The following ELAPOR1 variants were observed in gnomAD, a reference collection of about 807,000 sequenced individuals.
ELAPOR1 encodes endosome/lysosome-associated apoptosis and autophagy regulator 1.
ELAPOR1 carries 77 observed loss-of-function variants against 119.7 expected under a neutral mutation model. That is an observed-to-expected ratio of 0.64 (90% CI 0.54 to 0.78). ELAPOR1 has a LOEUF of 0.78. Among genes scored for constraint, ELAPOR1 ranks in the 30% least tolerant of loss-of-function variants. The pLI, the probability that ELAPOR1 is intolerant of heterozygous loss-of-function variation, is 0.00. For missense variants in ELAPOR1, 1,115 were observed against 1,270.4 expected (o/e 0.88, Z 1.86); for synonymous variants, 481 against 487.2 (o/e 0.99, Z 0.17).
chr1:109,145,768 A>G (rs34895712), intron 1 of ELAPOR1, among the ~76,000 whole-genome samples: 16,345 of 152,218 alleles, frequency 0.11, 1,278 homozygotes, highest in African/African-American at 0.22. Flanking sequence ...TACTCCATGC[A>G]GCATAGAGAG....
intron 1 of ELAPOR1, among the ~76,000 whole-genome samples, chr1:109,145,363 T>C (rs1056458716): frequency 3.9e-5 from 6 of 152,062 alleles, no homozygotes; most frequent in African/African-American, 9.7e-5. Context: ...ACAATATTCA[T>C]TGAAATTTAA....
chr1:109,147,889 G>A (rs1419673063), intron 1 of ELAPOR1, among the ~76,000 whole-genome samples: 1 of 151,468 alleles, frequency 6.6e-6, no homozygotes, highest in Non-Finnish European at 1.5e-5. Context: ...GAGTTCAGTG[G>A]CACCATCTCG....
intron 1 of ELAPOR1, among the ~76,000 whole-genome samples, chr1:109,116,286 G>A (rs900503642): frequency 2.0e-5 from 3 of 152,186 alleles, no homozygotes; most frequent in African/African-American, 4.8e-5. Flanking sequence ...TACTTACCAC[G>A]TGGTTTTTGG....
rs570088271 is a variant in ELAPOR1 at position 109,154,052 on chromosome 1, C to T, written c.154-7842C>T. Among the ~76,000 whole-genome samples, 575 of 151,722 alleles carry T rather than the reference C, an allele frequency of 3.8e-3. 4 individuals carry two copies. The highest frequency in any genetic ancestry group is 6.5e-3 in the Non-Finnish European group (443 of 67,872). On this transcript the variant is annotated intron_variant, in intron 1 of 21. Coordinates refer to ENST00000369939, the MANE Select transcript of ELAPOR1 (RefSeq NM_020775.5). Reference sequence around the variant, plus strand: ...ATCCCAGCAGTTTGGGAGGCCGAGGCGGGCGGATCACCTGAGGTCGGGAGT... The same window carrying T: ...ATCCCAGCAGTTTGGGAGGCCGAGGTGGGCGGATCACCTGAGGTCGGGAGT...
chr1:109,187,853 G>A, intron 8 of ELAPOR1: 1 of 1,044,110 alleles, frequency 9.6e-7, no homozygotes, highest in Non-Finnish European at 1.2e-6. Context: ...TGTGACCTTG[G>A]TAGCAATAAG....
chr1:109,136,352 A>G (rs1649466524), intron 1 of ELAPOR1, among the ~76,000 whole-genome samples: 1 of 152,196 alleles, frequency 6.6e-6, no homozygotes, highest in Admixed American at 6.5e-5. Flanking sequence ...TGCTGCCACA[A>G]GCCAAGGAAA....
chr1:109,180,955 C>T (rs2101082609), intron 7 of ELAPOR1, among the ~76,000 whole-genome samples: 1 of 152,054 alleles, frequency 6.6e-6, no homozygotes, highest in South Asian at 2.1e-4. Flanking sequence ...AGAGTGAGGC[C>T]CTGTCTCTAA....
intron 1 of ELAPOR1, among the ~76,000 whole-genome samples, chr1:109,144,059 A>ATTTTTT (rs1243626258): frequency 8.7e-5 from 3 of 34,406 alleles, no homozygotes; most frequent in Non-Finnish European, 2.1e-4. Context: ...ATATATTTAT[A>ATTTTTT]TATTTTTTTT....
Position 109,194,574 on chromosome 1 carries a change from C to G in ELAPOR1, c.2101C>G (p.Leu701Val). 6.2e-7 allele frequency: 1 copy of G among 1,613,918 alleles called. No homozygotes were observed. Among genetic ancestry groups the G allele is most frequent in the Non-Finnish European group, 8.5e-7 (1 of 1,179,756 alleles). The change falls in exon 15 of 22, where the codon CTC becomes GTC. Residue 701 changes from leucine to valine, a missense_variant. Transcript: ENST00000369939. ...GCTGAAATACTTCCATCACTTTACC[C>G]TCAGTCTCTGTGGAAACCAGGTAAG... Reference protein sequence around the residue: ...KGLKYFHHFTLSLCGNQGRKM... With the variant: ...KGLKYFHHFTVSLCGNQGRKM...
intron 7 of ELAPOR1, among the ~76,000 whole-genome samples, chr1:109,175,239 A>T (rs1031526361): frequency 1.4e-4 from 21 of 151,072 alleles, no homozygotes; most frequent in African/African-American, 1.9e-4. Flanking sequence ...TTGTTGCCCA[A>T]GCTGGAGTGC....
chr1:109,200,310 T>G, intron 20 of ELAPOR1, 73 bp downstream of exon 20: 2 of 1,538,746 alleles, frequency 1.3e-6, no homozygotes, highest in Non-Finnish European at 1.8e-6. Context: ...TCTGAAAGTA[T>G]AAATTAATGG....
chr1:109,163,493 A>G (rs577292987), intron 2 of ELAPOR1, among the ~76,000 whole-genome samples: 2 of 152,148 alleles, frequency 1.3e-5, no homozygotes, highest in Admixed American at 6.5e-5. Context: ...CCTGGGCTCA[A>G]GTAATTTTCC....
chr1:109,135,520 G>C (rs543927972), intron 1 of ELAPOR1, among the ~76,000 whole-genome samples: 8 of 152,336 alleles, frequency 5.3e-5, no homozygotes, highest in African/African-American at 1.9e-4. Context: ...TGGGATTACA[G>C]GTGTGAGCCA....
chr1:109,129,919 C>T (rs1277516244), intron 1 of ELAPOR1, among the ~76,000 whole-genome samples: 4 of 152,168 alleles, frequency 2.6e-5, no homozygotes, highest in Admixed American at 2.6e-4. Flanking sequence ...GTTCTGCAAG[C>T]CAGGAGTCTA....
intron 2 of ELAPOR1, 48 bp from the exon 3 acceptor site, chr1:109,164,451 G>A (rs1287106740): frequency 6.5e-7 from 1 of 1,535,536 alleles, no homozygotes; most frequent in Admixed American, 1.7e-5. Flanking sequence ...TCACTTCTGG[G>A]GCTGCAGTGA....
At chr1:109,122,437 T>G (rs1462683178) in intron 1 of ELAPOR1, among the ~76,000 whole-genome samples, 2 of 149,908 alleles carry the variant, frequency 1.3e-5, no homozygotes, top group Admixed American at 1.3e-4. Flanking sequence ...GGCCAGCAGA[T>G]TGCTTGAGCC....
intron 3 of ELAPOR1, among the ~76,000 whole-genome samples, chr1:109,167,075 C>T (rs966167603): frequency 2.6e-5 from 4 of 152,176 alleles, no homozygotes; most frequent in African/African-American, 9.7e-5. Flanking sequence ...AGCTAGAGAG[C>T]TTTAAAGCTG....
chr1:109,172,468 C>A lies in ELAPOR1; in HGVS notation c.616-20C>A. 3 of 1,596,702 alleles carry A rather than the reference C, an allele frequency of 1.9e-6. No individual in the cohort carries two copies. The highest frequency in any genetic ancestry group is 1.7e-6 in the Non-Finnish European group (2 of 1,164,646). ...TCCTTAGAAAGCTGAGACTCTGGTCCCAAACTCTTTTTATGTCAGGTTCAG... is the reference window on the plus strand; with the variant it reads ...TCCTTAGAAAGCTGAGACTCTGGTCACAAACTCTTTTTATGTCAGGTTCAG... On this transcript the variant is annotated intron_variant, in intron 4 of 21. Transcript: ENST00000369939.
At chr1:109,116,798 C>G (rs1648039992) in intron 1 of ELAPOR1, among the ~76,000 whole-genome samples, 1 of 149,920 alleles carries the variant, frequency 6.7e-6, no homozygotes, top group Non-Finnish European at 1.5e-5. Context: ...TCAAGCAATT[C>G]TCCTGCCTCA....
Sources: allele counts gnomAD v4.1 joint callset (sites outside exome capture counted in the v4.1 genomes callset), GRCh38; gene constraint gnomAD v4.1.1; transcripts MANE v1.5; gene names NCBI Gene and HGNC (gene_info 2026-07-23, HGNC 2026-07-21).